SRSF5: variants seen among roughly 807,000 people sequenced by gnomAD.
SRSF5 encodes the protein serine/arginine-rich splicing factor 5.
Under a neutral mutation model 34.0 loss-of-function variants are expected in SRSF5, and 5 were observed. The ratio of observed to expected loss-of-function variants is 0.15; its 90% CI spans 0.08 to 0.31. The LOEUF is 0.31. Among genes scored for constraint, SRSF5 ranks in the 10% least tolerant of loss-of-function variants. The probability of loss-of-function intolerance (pLI) is 1.00; values close to 1 mark genes in which losing one functional copy is unlikely to be tolerated. For synonymous variants in SRSF5, 164 were observed against 117.7 expected (o/e 1.39, Z -2.55); for missense variants, 223 against 351.4 (o/e 0.63, Z 2.92).
chr14:69,769,781 C>T lies in SRSF5; in HGVS notation c.366+530C>T, dbSNP rs566035301. The T allele has an allele frequency of 7.9e-5, 107 of 1,350,098 alleles. No homozygotes were observed. The African/African-American group carries it at 8.3e-4, about 10-fold the overall frequency. 83.6% of individuals were successfully genotyped at this position (1,350,098 alleles called of 1,614,324 possible). ...AACGCTTCCGAATAAGAGGTCCGGT[C>T]GAAAAGAGTTGAAAGATACGAAATT... On this transcript the variant is annotated intron_variant, in intron 5 of 7. Coordinates refer to ENST00000557154, the MANE Select transcript of SRSF5 (RefSeq NM_001320214.2).
chr14:69,768,349 A>T (rs1384171590), intron 2 of SRSF5, 67 bp downstream of exon 2: 1 of 1,591,888 alleles, frequency 6.3e-7, no homozygotes, highest in African/African-American at 1.3e-5. Flanking sequence ...GTTGTTTTCG[A>T]TCTTGAGTCC....
chr14:69,769,383 T>C (rs1882952546), intron 5 of SRSF5, 132 bp downstream of exon 5: 2 of 1,501,378 alleles, frequency 1.3e-6, no homozygotes, highest in Non-Finnish European at 1.8e-6. Context: ...TTTTAAACAT[T>C]TAATTAAATG....
intron 5 of SRSF5, chr14:69,769,652 C>G: frequency 6.5e-7 from 1 of 1,531,034 alleles, no homozygotes; most frequent in Admixed American, 2.0e-5. Context: ...TCTGTGTTTG[C>G]CGGTCTAGAC....
At chr14:69,768,381 A>C in intron 2 of SRSF5, 99 bp downstream of exon 2, 1 of 1,523,676 alleles carries the variant, frequency 6.6e-7, no homozygotes, top group Non-Finnish European at 9.0e-7. Flanking sequence ...TTGCCTTCAG[A>C]AAATGTTACC....
Position 69,771,660 on chromosome 14 carries a change from T to G in SRSF5, c.*199T>G. ...TTGAAAACTAATTGTATTAAATGTC[T>G]TTTGATAAGCCTTCTGCTCACATTT... On this transcript the variant is annotated 3_prime_UTR_variant, in exon 8 of 8. Transcript: ENST00000557154. The G allele has an allele frequency of 1.6e-6, 1 of 613,908 alleles. No homozygotes were observed. Among genetic ancestry groups the G allele is most frequent in the Non-Finnish European group, 2.8e-6 (1 of 362,338 alleles). 38.0% of individuals were successfully genotyped at this position (613,908 alleles called of 1,614,324 possible).
chr14:69,771,190 A>G lies in SRSF5; in HGVS notation c.552-4A>G, dbSNP rs751857152. 4 of 1,613,910 alleles carry G rather than the reference A, an allele frequency of 2.5e-6. No individual in the cohort carries two copies. Among genetic ancestry groups the G allele is most frequent in the South Asian group, 2.2e-5 (2 of 91,072 alleles). ...CTAGGCTGATTTCTTTTCATTTTTCATAGTAGGTCAAGAAGCAGGTCTCGA... is the reference window on the plus strand; with the variant it reads ...CTAGGCTGATTTCTTTTCATTTTTCGTAGTAGGTCAAGAAGCAGGTCTCGA... On this transcript the variant is annotated splice_polypyrimidine_tract_variant and splice_region_variant and intron_variant, in intron 7 of 7. Coordinates refer to ENST00000557154, the MANE Select transcript of SRSF5 (RefSeq NM_001320214.2).
chr14:69,767,208 G>C lies in SRSF5; in HGVS notation c.-67G>C, dbSNP rs1289693833. On this transcript the variant is annotated 5_prime_UTR_variant, in exon 1 of 8. Transcript: ENST00000557154. ...CGTGGAGGTCGACGACTCCGTCGCA[G>C]ACTACGGACCTGTCTGGGTCTCAGC... The C allele has an allele frequency of 2.8e-6, 1 of 358,290 alleles. No homozygotes were observed. Among genetic ancestry groups the C allele is most frequent in the Non-Finnish European group, 5.5e-6 (1 of 182,838 alleles). 22.2% of individuals were successfully genotyped at this position (358,290 alleles called of 1,614,324 possible).
chr14:69,769,528 C>T, intron 5 of SRSF5: 1 of 1,535,336 alleles, frequency 6.5e-7, no homozygotes, highest in Non-Finnish European at 8.7e-7. Context: ...GTGTCGTTGG[C>T]CTTATGACGA....
chr14:69,770,309 A>G (rs1883047271), intron 5 of SRSF5, 158 bp from the exon 6 acceptor site: 1 of 1,419,978 alleles, frequency 7.0e-7, no homozygotes, highest in African/African-American at 1.5e-5. Flanking sequence ...CCTGACATAG[A>G]TAATTTTTGA....
intron 5 of SRSF5, chr14:69,769,649 T>G: frequency 2.0e-6 from 3 of 1,531,956 alleles, no homozygotes; most frequent in Non-Finnish European, 2.6e-6. Flanking sequence ...AGATCTGTGT[T>G]TGCCGGTCTA....
intron 1 of SRSF5, 169 bp from the exon 2 acceptor site, chr14:69,767,969 G>C (rs1044539722): frequency 1.5e-6 from 1 of 675,098 alleles, no homozygotes; most frequent in African/African-American, 1.8e-5. Context: ...AGGGAGCTGG[G>C]TTTTCATTTT....
chr14:69,771,139 T>A, intron 7 of SRSF5, 34 bp downstream of exon 7: 1 of 1,613,082 alleles, frequency 6.2e-7, no homozygotes, highest in Non-Finnish European at 8.5e-7. Context: ...AAAGTTGTAT[T>A]TAATGGGTTT....
intron 1 of SRSF5, chr14:69,767,862 GCCGGAGAGC>G (rs954872504): frequency 7.5e-6 from 3 of 401,668 alleles, no homozygotes; most frequent in African/African-American, 4.1e-5. Flanking sequence ...ATGGGAGGGG[GCCGGAGAGC>G]CCGGAGAGTG....
intron 1 of SRSF5, chr14:69,767,703 C>CCGCT (rs1566624382): frequency 2.8e-6 from 1 of 363,384 alleles, no homozygotes; most frequent in African/African-American, 2.1e-5. Context: ...GAGCGCCCGC[C>CCGCT]CGCTGCTGTT....
chr14:69,767,792 G>T, intron 1 of SRSF5: 1 of 353,798 alleles, frequency 2.8e-6, no homozygotes, highest in Middle Eastern at 1.0e-3. Context: ...CATTGGGCTG[G>T]CTTTGCGGAG....
chr14:69,769,015 C>A, intron 4 of SRSF5, 119 bp downstream of exon 4: 7 of 1,293,516 alleles, frequency 5.4e-6, no homozygotes, highest in Non-Finnish European at 7.8e-6. Context: ...TCTATTCCCA[C>A]GTTAGCCAGT....
At chr14:69,767,547 G>C in intron 1 of SRSF5, 1 of 455,992 alleles carries the variant, frequency 2.2e-6, no homozygotes. Context: ...GGATCTCCCT[G>C]ACTTTGCTGG....
At position 69,771,487 on chromosome 14, in the gene SRSF5, C is replaced by T; in HGVS notation, c.*26C>T. On this transcript the variant is annotated 3_prime_UTR_variant, in exon 8 of 8. Transcript: ENST00000557154. ...ACTGTAAATAACTTGCCCTGGGGGC[C>T]TTTTTTTAAAAAACAAAAACCACAA... is the stretch of plus-strand genomic sequence containing the variant. The T allele has an allele frequency of 8.5e-6, 13 of 1,535,272 alleles. No homozygotes were observed. Among genetic ancestry groups the T allele is most frequent in the South Asian group, 3.6e-5 (3 of 83,018 alleles).
chr14:69,769,914 A>G, intron 5 of SRSF5: 1 of 1,114,018 alleles, frequency 9.0e-7, no homozygotes, highest in Non-Finnish European at 1.1e-6. Context: ...CTGTGCGATT[A>G]AAGGCTTCCA....
Sources: allele counts gnomAD v4.1 joint callset, GRCh38; gene constraint gnomAD v4.1.1; transcripts MANE v1.5; gene names NCBI Gene and HGNC (gene_info 2026-07-23, HGNC 2026-07-21).